The following ARMCX4 variants were observed in gnomAD, a reference collection of about 807,000 sequenced individuals.
The protein encoded by ARMCX4 is armadillo repeat-containing X-linked protein 4.
Under a neutral mutation model 34.7 loss-of-function variants are expected in ARMCX4, and 3 were observed. The observed-to-expected ratio is 0.09, with a 90% CI of 0.04 to 0.22. The LOEUF (loss-of-function observed/expected upper bound fraction) is 0.22. Ranked by LOEUF, ARMCX4 falls within the 10% of genes least tolerant of loss-of-function variation. The pLI is 1.00. For missense variants in ARMCX4, 1,448 were observed against 1,720.8 expected, an observed-to-expected ratio of 0.84 and a Z score of 2.81; for synonymous variants, 513 against 632.8, an observed-to-expected ratio of 0.81 and a Z score of 2.84.
intron 4 of ARMCX4, among the ~76,000 whole-genome samples, chrX:101,462,174 A>G (rs1263261228): frequency 1.8e-5 from 2 of 112,239 alleles, no homozygotes; most frequent in Non-Finnish European, 3.8e-5. Context: ...CTTTATATGT[A>G]GCTATACAGT....
At chrX:101,454,662 T>C (rs1401358704) in intron 4 of ARMCX4, among the ~76,000 whole-genome samples, 1 of 111,394 alleles carries the variant, frequency 9.0e-6, no homozygotes, top group East Asian at 2.8e-4. Flanking sequence ...AATTGGCTCT[T>C]GTAAGTCAGG....
rs190207953 is a variant in ARMCX4 at position 101,421,642 on chromosome X, C to T, written n.164+2642C>T. 3.6e-5 allele frequency among the ~76,000 whole-genome samples: 4 copies of T among 111,127 alleles called. No homozygotes were observed. The East Asian group carries it at 1.1e-3, about 31-fold the overall frequency. On this transcript the variant is annotated intron_variant and non_coding_transcript_variant, in intron 2 of 3. Coordinates refer to the ARMCX4 transcript ENST00000430461. ...TTCTCTTTTTCCAAGATGGTCCCTG[C>T]ACACACTGTGTCCTCCAGAGGGGAG...
chrX:101,428,629 C>T (rs1209748626), intron 2 of ARMCX4, among the ~76,000 whole-genome samples: 7 of 111,661 alleles, frequency 6.3e-5, no homozygotes, highest in African/African-American at 2.0e-4. Context: ...TCTCTGTTCT[C>T]TACTTTTTGT....
At chrX:101,431,789 C>T (rs934682106) in intron 2 of ARMCX4, among the ~76,000 whole-genome samples, 6 of 111,876 alleles carry the variant, frequency 5.4e-5, no homozygotes, top group South Asian at 7.4e-4. Context: ...GTGATCTGCC[C>T]GCCTCAGCCT....
At chrX:101,452,078 G>T (rs560589751), downstream of ARMCX4, among the ~76,000 whole-genome samples, 1 of 112,195 alleles carries the variant, frequency 8.9e-6, no homozygotes, top group South Asian at 3.8e-4. Context: ...TTTTAGGAAA[G>T]GTATATTTAA....
At chrX:101,480,123 GACACACACACACACACACAC>G (rs57237822) in intron 4 of ARMCX4, among the ~76,000 whole-genome samples, 24 of 76,694 alleles carry the variant, frequency 3.1e-4, no homozygotes, top group African/African-American at 9.3e-4. Context: ...AGGATTTGGA[GACACACACACACACACACAC>G]ACACACACAC....
Position 101,490,901 on chromosome X carries a change from A to C in ARMCX4, c.2312A>C (p.Asn771Thr). 4 of 1,154,337 alleles carry C rather than the reference A, an allele frequency of 3.5e-6. No homozygotes were observed. Among genetic ancestry groups the C allele is most frequent in the Non-Finnish European group, 4.6e-6 (4 of 872,483 alleles). Residue 771 changes from asparagine to threonine, a missense_variant, in exon 6 of 6, where the codon AAT becomes ACT. Coordinates refer to ENST00000423738, the MANE Select transcript of ARMCX4 (RefSeq NM_001256155.3). ...LPGAKNKVKA[N>T]LNAVSKAEAG... is the part of the protein sequence containing the mutation. The stretch of plus-strand genomic sequence containing the variant: ...GGTGCCAAAAATAAGGTCAAGGCCA[A>C]TCTTAATGCTGTGTCTAAGGCAGAA...
At chrX:101,485,032 C>T (rs1933629633), upstream of ARMCX4, among the ~76,000 whole-genome samples, 1 of 111,327 alleles carries the variant, frequency 9.0e-6, no homozygotes, top group African/African-American at 3.3e-5. Flanking sequence ...TTAGAGAGGG[C>T]AGGTCGTGTA....
intron 2 of ARMCX4, among the ~76,000 whole-genome samples, chrX:101,437,443 A>G (rs1182976907): frequency 1.8e-5 from 2 of 111,920 alleles, no homozygotes; most frequent in Non-Finnish European, 3.8e-5. Context: ...AGAGGTGTTT[A>G]TAGTATTCTA....
chrX:101,429,431 G>T (rs1173995952), intron 2 of ARMCX4, among the ~76,000 whole-genome samples: 1 of 104,786 alleles, frequency 9.5e-6, no homozygotes, highest in Non-Finnish European at 1.9e-5. Flanking sequence ...AGTCTCCTGG[G>T]TTCAAGTGAT....
intron 11 of ARMCX4, among the ~76,000 whole-genome samples, chrX:101,515,511 C>T (rs1309599681): frequency 2.4e-5 from 1 of 42,015 alleles, no homozygotes; most frequent in Non-Finnish European, 4.5e-5. Context: ...TTCTTTCTCT[C>T]TCTCTTTCCC....
At chrX:101,459,192 T>G (rs1932484148) in intron 4 of ARMCX4, among the ~76,000 whole-genome samples, 1 of 112,504 alleles carries the variant, frequency 8.9e-6, no homozygotes, top group African/African-American at 3.2e-5. Flanking sequence ...ATGTTTGTAC[T>G]TTTTACTGAA....
At position 101,491,151 on chromosome X, in the gene ARMCX4, C is replaced by G. The variant is rs781969725; in HGVS notation, c.2562C>G (p.Val854=). ...ATAAGGTCAAGGGCAATCCCAATGT[C>G]GTGTCTAAGGCAGGGGCCAGAGAAG... ...AKNKVKGNPN[V]VSKAGAREDT... The change falls in exon 6 of 6, where the codon GTC becomes GTG. Residue 854 remains valine, a synonymous_variant. Transcript: ENST00000423738. 3.5e-6 allele frequency: 4 copies of G among 1,141,044 alleles called. No homozygotes were observed. The South Asian group carries it at 5.8e-5, about 16-fold the overall frequency. 94.0% of individuals were successfully genotyped at this position (1,141,044 alleles called of 1,213,427 possible).
At chrX:101,460,435 C>T (rs1161395118) in intron 4 of ARMCX4, among the ~76,000 whole-genome samples, 3 of 111,456 alleles carry the variant, frequency 2.7e-5, no homozygotes, top group Admixed American at 9.5e-5. Flanking sequence ...TTATTAAATC[C>T]GTAATTCAGA....
chrX:101,449,856 G>T (rs1555998805), downstream of ARMCX4, among the ~76,000 whole-genome samples: 1 of 110,968 alleles, frequency 9.0e-6, no homozygotes, highest in African/African-American at 3.3e-5. Flanking sequence ...TATCTTTCTT[G>T]GGAAGGCTTT....
intron 4 of ARMCX4, among the ~76,000 whole-genome samples, chrX:101,469,189 T>C (rs1213837631): frequency 1.8e-5 from 2 of 112,593 alleles, no homozygotes; most frequent in Non-Finnish European, 3.7e-5. Flanking sequence ...AAATGTAATC[T>C]GCAACATTGT....
At chrX:101,439,361 C>G (rs782393712) in intron 2 of ARMCX4, among the ~76,000 whole-genome samples, 1 of 111,666 alleles carries the variant, frequency 9.0e-6, no homozygotes, top group Non-Finnish European at 1.9e-5. Flanking sequence ...GATGGGCTTC[C>G]CTTTGTGGGT....
At chrX:101,527,928 C>T (rs1433732020) in intron 11 of ARMCX4, among the ~76,000 whole-genome samples, 2 of 112,033 alleles carry the variant, frequency 1.8e-5, no homozygotes, top group Non-Finnish European at 3.8e-5. Context: ...ACCATTCCTT[C>T]TGAAACTATT....
At chrX:101,437,253 T>G (rs1309283288) in intron 2 of ARMCX4, among the ~76,000 whole-genome samples, 1 of 111,968 alleles carries the variant, frequency 8.9e-6, no homozygotes, top group Non-Finnish European at 1.9e-5. Context: ...TGGCAGAATT[T>G]GGCTGTGAAT....
Sources: gnomAD v4.1 joint callset for allele counts (sites outside exome capture counted in the v4.1 genomes callset) on GRCh38, gnomAD v4.1.1 for gene constraint, MANE v1.5 for transcripts, NCBI Gene and HGNC (gene_info 2026-07-23, HGNC 2026-07-21) for gene names.